CARMIL1: variants seen among roughly 807,000 people sequenced by gnomAD.
CARMIL1 encodes capping protein regulator and myosin 1 linker 1, also known as F-actin-uncapping protein LRRC16A.
A neutral mutation model predicts 177.1 loss-of-function variants in CARMIL1; 90 were observed. The ratio of observed to expected loss-of-function variants is 0.51; its 90% CI spans 0.43 to 0.61. The LOEUF is 0.61. CARMIL1 is among the 20% of genes least tolerant of loss of function. The probability of loss-of-function intolerance (pLI) is 0.00; values close to 1 mark genes in which losing one functional copy is unlikely to be tolerated. For synonymous variants in CARMIL1, 577 were observed against 606.2 expected (o/e 0.95, Z 0.71); for missense variants, 1,380 against 1,667.0 (o/e 0.83, Z 3.00).
At position 25,554,978 on chromosome 6, in the gene CARMIL1, A is replaced by G. The variant is rs746941079; in HGVS notation, c.2592+882A>G. ...AATTCATTTGAGAAAAACGTGTAAG[A>G]CTGTCTTCCAAAATCTGAAAGACAA... On this transcript the variant is annotated intron_variant, in intron 28 of 36. Transcript: ENST00000329474. The surrounding 1 kb of genome is among the most constrained non-coding windows in gnomAD (Gnocchi z 4.6). Among the ~76,000 whole-genome samples, 7 of 152,198 alleles carry G rather than the reference A, an allele frequency of 4.6e-5. No individual in the cohort carries two copies. Among genetic ancestry groups the G allele is most frequent in the Non-Finnish European group, 8.8e-5 (6 of 68,028 alleles).
intron 17 of CARMIL1, among the ~76,000 whole-genome samples, chr6:25,505,919 C>A (rs1326102729): frequency 6.6e-6 from 1 of 152,122 alleles, no homozygotes; most frequent in Non-Finnish European, 1.5e-5. Context: ...ATAGCTGTGG[C>A]TTAGTTGTAG....
intron 20 of CARMIL1, among the ~76,000 whole-genome samples, chr6:25,511,175 A>C (rs1038167641): frequency 6.6e-6 from 1 of 152,156 alleles, no homozygotes; most frequent in Non-Finnish European, 1.5e-5. Context: ...AATTATGTGG[A>C]ATTATAGGGG....
At chr6:25,470,099 CA>C (rs1407658108) in intron 9 of CARMIL1, among the ~76,000 whole-genome samples, 4 of 151,776 alleles carry the variant, frequency 2.6e-5, no homozygotes, top group Admixed American at 1.3e-4. Flanking sequence ...GTTTTTTTGA[CA>C]TTTTTTATTA....
chr6:25,528,225 T>C (rs921325087), intron 23 of CARMIL1, among the ~76,000 whole-genome samples: 1 of 152,214 alleles, frequency 6.6e-6, no homozygotes, highest in Non-Finnish European at 1.5e-5. Context: ...TGAGAAAATA[T>C]GAACATTTGA....
chr6:25,300,912 G>C (rs910347702), intron 2 of CARMIL1, among the ~76,000 whole-genome samples: 1 of 152,212 alleles, frequency 6.6e-6, no homozygotes, highest in Non-Finnish European at 1.5e-5. Context: ...AGTATAACCT[G>C]CTATATACAG....
chr6:25,428,737 T>C (rs1381066436), intron 4 of CARMIL1, among the ~76,000 whole-genome samples: 7 of 152,238 alleles, frequency 4.6e-5, no homozygotes, highest in African/African-American at 1.7e-4. Context: ...GTACTGGTCT[T>C]ACATATGTCT....
intron 2 of CARMIL1, among the ~76,000 whole-genome samples, chr6:25,309,918 C>T (rs962419732): frequency 2.6e-5 from 4 of 151,748 alleles, no homozygotes; most frequent in South Asian, 2.1e-4. Context: ...TACAGGTGCA[C>T]GCCACCGCAC....
rs2150923185 is a variant in CARMIL1, at chr6:25,465,879, A to G, written c.621A>G (p.Leu207=). The stretch of plus-strand genomic sequence containing the variant: ...TTGTTGTTTCTGCTTCCAGGGACCT[A>G]ATACCTATCATTGCTGCTCTGGAAT... The part of the protein sequence containing the change: ...QDFSHLDHRD[L]IPIIAALEYN... The change falls in exon 9 of 37, where the codon CTA becomes CTG. Residue 207 remains leucine, a synonymous_variant. Transcript: ENST00000329474. 1 of 1,609,704 alleles carries G rather than the reference A, an allele frequency of 6.2e-7. No individual in the cohort carries two copies. The highest frequency in any genetic ancestry group is 8.5e-7 in the Non-Finnish European group (1 of 1,176,084).
At chr6:25,367,742 C>T (rs1376794711) in intron 2 of CARMIL1, among the ~76,000 whole-genome samples, 1 of 152,146 alleles carries the variant, frequency 6.6e-6, no homozygotes, top group Non-Finnish European at 1.5e-5. Flanking sequence ...TACAGACCAC[C>T]TCTCCTGTGC....
At chr6:25,519,779 A>C (rs1268700811) in intron 22 of CARMIL1, among the ~76,000 whole-genome samples, 1 of 152,220 alleles carries the variant, frequency 6.6e-6, no homozygotes, top group East Asian at 1.9e-4. Flanking sequence ...TTGCAAGCAA[A>C]TGTTTTGTTT....
chr6:25,556,734 C>T lies in CARMIL1; in HGVS notation c.2626C>T (p.Pro876Ser), dbSNP rs193225623. ...TTTCAGCAGACGTGGCAAGACCCTT[C>T]CTCAACAAGAATCCTTAGAGATCGA... ...DHFSRRGKTL[P>S]QQESLEIELA... Residue 876 changes from proline (P) to serine (S), a missense_variant, in exon 29 of 37, where the codon CCT (proline) becomes TCT (serine). Coordinates refer to ENST00000329474, the MANE Select transcript of CARMIL1 (RefSeq NM_017640.6). 2,404 of 1,613,400 alleles carry T rather than the reference C, an allele frequency of 1.5e-3. 4 individuals are homozygous for T. Among genetic ancestry groups the T allele is most frequent in the Non-Finnish European group, 1.8e-3 (2,159 of 1,179,620 alleles).
chr6:25,556,294 A>T (rs567655335), intron 28 of CARMIL1, among the ~76,000 whole-genome samples: 69 of 152,344 alleles, frequency 4.5e-4, no homozygotes, highest in African/African-American at 1.6e-3. Flanking sequence ...CATTATATGA[A>T]AACAATGAAA....
chr6:25,462,584 G>A (rs1800218890), intron 8 of CARMIL1, among the ~76,000 whole-genome samples: 1 of 152,122 alleles, frequency 6.6e-6, no homozygotes, highest in African/African-American at 2.4e-5. Flanking sequence ...GATATGCTCA[G>A]GTTCCCCATG....
intron 29 of CARMIL1, among the ~76,000 whole-genome samples, chr6:25,557,450 C>G (rs1810727365): frequency 1.3e-5 from 2 of 152,100 alleles, no homozygotes; most frequent in South Asian, 4.2e-4. Flanking sequence ...CCTTTTCACT[C>G]TAAGGAAAAT....
At chr6:25,378,849 A>G (rs1791266146) in intron 2 of CARMIL1, among the ~76,000 whole-genome samples, 1 of 151,572 alleles carries the variant, frequency 6.6e-6, no homozygotes, top group Non-Finnish European at 1.5e-5. Context: ...CAAGTGGTAG[A>G]GGCATGCTCA....
intron 23 of CARMIL1, among the ~76,000 whole-genome samples, chr6:25,523,276 C>A (rs1806753520): frequency 6.6e-6 from 1 of 151,992 alleles, no homozygotes; most frequent in Non-Finnish European, 1.5e-5. Flanking sequence ...TTATTTTTTT[C>A]AACTGTATAG....
intron 29 of CARMIL1, among the ~76,000 whole-genome samples, chr6:25,565,104 T>C (rs1393747218): frequency 6.6e-6 from 1 of 152,126 alleles, no homozygotes; most frequent in East Asian, 1.9e-4. Context: ...GTGGCACATA[T>C]AGAGCTCTGG....
chr6:25,360,719 G>A (rs1231374468), intron 2 of CARMIL1, among the ~76,000 whole-genome samples: 1 of 152,186 alleles, frequency 6.6e-6, no homozygotes, highest in Non-Finnish European at 1.5e-5. Flanking sequence ...GGGACATATT[G>A]GGAAGTGTGC....
intron 2 of CARMIL1, among the ~76,000 whole-genome samples, chr6:25,295,372 T>C (rs1313820024): frequency 6.6e-6 from 1 of 152,232 alleles, no homozygotes; most frequent in Non-Finnish European, 1.5e-5. Flanking sequence ...TCTAACCATG[T>C]CCCTTATTGT....
Sources: gnomAD v4.1 joint callset for allele counts (sites outside exome capture counted in the v4.1 genomes callset) on GRCh38, gnomAD v4.1.1 for gene constraint, Gnocchi (gnomAD v3.1) non-coding constraint, MANE v1.5 for transcripts, NCBI Gene and HGNC (gene_info 2026-07-23, HGNC 2026-07-21) for gene names.